Variants in FOCAD observed in about 807,000 individuals in gnomAD.
The protein encoded by FOCAD is KIAA1797.
FOCAD carries 198 observed loss-of-function variants against 225.6 expected under a neutral mutation model. That is an observed-to-expected ratio of 0.88 (90% confidence interval 0.78 to 0.99). FOCAD has a LOEUF of 0.99. Ranked by LOEUF, FOCAD falls within the 50% of genes least tolerant of loss-of-function variation. The pLI, the probability that FOCAD is intolerant of heterozygous loss-of-function variation, is 0.00. For missense variants in FOCAD, 2,713 were observed against 2,123.6 expected (o/e 1.28, Z -5.46); for synonymous variants, 897 against 755.0 (o/e 1.19, Z -3.08).
At chr9:20,903,851 A>G (rs545908261) in intron 21 of FOCAD, among the ~76,000 whole-genome samples, 1 of 152,092 alleles carries the variant, frequency 6.6e-6, no homozygotes, top group Admixed American at 6.6e-5. Context: ...TAGTTCCAAA[A>G]CATTTCAATC....
chr9:20,731,970 C>T (rs905429664), intron 4 of FOCAD, among the ~76,000 whole-genome samples: 1 of 151,950 alleles, frequency 6.6e-6, no homozygotes, highest in Non-Finnish European at 1.5e-5. Flanking sequence ...TTTTAAAGTT[C>T]TGGGATACAT....
intron 15 of FOCAD, among the ~76,000 whole-genome samples, chr9:20,831,023 T>C (rs1825434771): frequency 6.6e-6 from 1 of 152,084 alleles, no homozygotes; most frequent in Admixed American, 6.6e-5. Flanking sequence ...TTTTATTGAC[T>C]AGGGATCTTA....
intron 1 of FOCAD, among the ~76,000 whole-genome samples, chr9:20,698,566 A>T (rs1823576772): frequency 6.6e-6 from 1 of 151,904 alleles, no homozygotes; most frequent in African/African-American, 2.4e-5. Flanking sequence ...GTGCCTGGCT[A>T]ATTTTTTATT....
At chr9:20,791,713 A>G (rs78810477) in intron 11 of FOCAD, among the ~76,000 whole-genome samples, 1,682 of 152,286 alleles carry the variant, frequency 0.011, 31 homozygotes, top group African/African-American at 0.039. Flanking sequence ...AACCATCATG[A>G]TGGGATAATG....
chr9:20,898,027 AT>A (rs1832246049), intron 21 of FOCAD, among the ~76,000 whole-genome samples: 1 of 151,464 alleles, frequency 6.6e-6, no homozygotes, highest in African/African-American at 2.4e-5. Context: ...CTAGGTTGTA[AT>A]TTTCCTCTCT....
intron 27 of FOCAD, among the ~76,000 whole-genome samples, chr9:20,932,051 A>G (rs1229808354): frequency 6.6e-6 from 1 of 151,926 alleles, no homozygotes; most frequent in Non-Finnish European, 1.5e-5. Flanking sequence ...TTCTGTCATA[A>G]CCCCCAGAAA....
At chr9:20,691,119 T>A (rs1822949814) in intron 1 of FOCAD, among the ~76,000 whole-genome samples, 2 of 152,102 alleles carry the variant, frequency 1.3e-5, no homozygotes, top group African/African-American at 4.8e-5. Flanking sequence ...ATTTTTGTAT[T>A]TTTAGTAGAG....
At chr9:20,845,441 C>CTATATATATATATA (rs1375298178) in intron 15 of FOCAD, among the ~76,000 whole-genome samples, 2 of 48,010 alleles carry the variant, frequency 4.2e-5, no homozygotes, top group Admixed American at 3.0e-4. Flanking sequence ...ATCTTTTCCT[C>CTATATATATATATA]GATATATATA....
At chr9:20,734,368 C>A (rs2131623035) in intron 4 of FOCAD, among the ~76,000 whole-genome samples, 1 of 152,276 alleles carries the variant, frequency 6.6e-6, no homozygotes, top group Admixed American at 6.5e-5. Flanking sequence ...ACATTGAAAT[C>A]CCATTCCTAG....
chr9:20,665,211 G>T (rs374128966), intron 2 of FOCAD, among the ~76,000 whole-genome samples: 4 of 152,144 alleles, frequency 2.6e-5, no homozygotes, highest in African/African-American at 9.7e-5. Context: ...AGTCCCAAGA[G>T]ATCTAAAGAC....
chr9:20,780,457 G>A (rs1587135699), intron 9 of FOCAD, among the ~76,000 whole-genome samples: 1 of 151,966 alleles, frequency 6.6e-6, no homozygotes, highest in African/African-American at 2.4e-5. Context: ...TCTTTCTCTC[G>A]TAAACCAATA....
rs540317247 is a variant in FOCAD, at chr9:20,713,763, C to T, written c.-32-1559C>T. On this transcript the variant is annotated intron_variant, in intron 1 of 43. Coordinates refer to ENST00000338382, the MANE Select transcript of FOCAD (RefSeq NM_001375567.1). ...ATATGTCCGCATAGAATCTTTCTTT[C>T]ACCCATGGAGATATTTTTTTCCTGT... Among the ~76,000 whole-genome samples, 496 of 152,284 alleles carry T rather than the reference C, an allele frequency of 3.3e-3. 1 individual carries two copies. Among genetic ancestry groups the T allele is most frequent in the Non-Finnish European group, 6.1e-3 (416 of 68,020 alleles).
intron 21 of FOCAD, among the ~76,000 whole-genome samples, chr9:20,893,701 G>A (rs1018056230): frequency 5.3e-5 from 8 of 151,994 alleles, no homozygotes; most frequent in African/African-American, 1.9e-4. Context: ...TGTAAAAACA[G>A]ACTTTATTTT....
rs368637053 is a variant in FOCAD, at chr9:20,752,771, T to G, written c.393-5319T>G. On this transcript the variant is annotated intron_variant, in intron 5 of 43. Coordinates refer to ENST00000338382, the MANE Select transcript of FOCAD (RefSeq NM_001375567.1). ...GGGCAGTATGGCCATTTTCACGATATTGATTCTTCCTACCCATGAGCATGG... is the reference window on the plus strand; with the variant it reads ...GGGCAGTATGGCCATTTTCACGATAGTGATTCTTCCTACCCATGAGCATGG... 1.8e-3 allele frequency among the ~76,000 whole-genome samples: 273 copies of G among 152,328 alleles called. 8 individuals are homozygous for G. The South Asian group carries it at 0.054, about 30-fold the overall frequency.
chr9:20,840,721 T>G (rs1027940634), intron 15 of FOCAD, among the ~76,000 whole-genome samples: 27 of 152,000 alleles, frequency 1.8e-4, no homozygotes, highest in African/African-American at 6.5e-4. Flanking sequence ...TTTCTTTCTC[T>G]TGTCTAATTG....
At position 20,944,717 on chromosome 9, in the gene FOCAD, C is replaced by G. The variant is rs368622425; in HGVS notation, c.3498C>G (p.Leu1166=). 8.7e-6 allele frequency: 14 copies of G among 1,613,946 alleles called. No homozygotes were observed. Among genetic ancestry groups the G allele is most frequent in the African/African-American group, 8.0e-5 (6 of 74,926 alleles). Residue 1166 remains leucine, a synonymous_variant, in exon 29 of 44, where the codon CTC becomes CTG. Coordinates refer to ENST00000338382, the MANE Select transcript of FOCAD (RefSeq NM_001375567.1). The part of the protein sequence containing the change: ...MQSRVHVAAL[L]RKLSAHVDDS... Reference sequence around the variant, plus strand: ...CCCGCGTTCACGTAGCAGCATTGCTCCGGAAGCTGTCTGCGCACGTAGATG... The same window carrying G: ...CCCGCGTTCACGTAGCAGCATTGCTGCGGAAGCTGTCTGCGCACGTAGATG...
At chr9:20,715,279 A>C (rs1037453828) in intron 1 of FOCAD, 43 bp from the exon 2 acceptor site, 4 of 903,450 alleles carry the variant, frequency 4.4e-6, no homozygotes. Context: ...CCCAATTCAG[A>C]CCAGTTGGAA....
intron 28 of FOCAD, among the ~76,000 whole-genome samples, chr9:20,936,556 C>T (rs776500323): frequency 3.9e-5 from 6 of 152,030 alleles, no homozygotes; most frequent in Non-Finnish European, 8.8e-5. Flanking sequence ...AGGCCGGGCG[C>T]GGTGGCTCAC....
At chr9:20,685,196 A>ATTTTTTTTTTTTTTTTTTTTTTTTTT (rs397959541) in intron 1 of FOCAD, among the ~76,000 whole-genome samples, 5 of 143,062 alleles carry the variant, frequency 3.5e-5, no homozygotes, top group Non-Finnish European at 3.0e-5. Context: ...TGAGTTGGAA[A>ATTTTTTTTTTTTTTTTTTTTTTTTTT]TTTTTTTTTT....
Sources: allele counts gnomAD v4.1 joint callset (sites outside exome capture counted in the v4.1 genomes callset), GRCh38; gene constraint gnomAD v4.1.1; transcripts MANE v1.5; gene names NCBI Gene and HGNC (gene_info 2026-07-23, HGNC 2026-07-21).